The following BMP1 variants were observed in gnomAD, a reference collection of about 807,000 sequenced individuals.
The protein encoded by BMP1 is mammalian tolloid protein.
BMP1 carries 63 observed loss-of-function variants against 116.8 expected under a neutral mutation model. The observed-to-expected ratio is 0.54, with a 90% CI of 0.44 to 0.67. The LOEUF (loss-of-function observed/expected upper bound fraction) is 0.67. Ranked by LOEUF, BMP1 falls within the 30% of genes least tolerant of loss-of-function variation. The pLI, the probability that BMP1 is intolerant of heterozygous loss-of-function variation, is 0.00. For missense variants in BMP1, 1,183 were observed against 1,358.9 expected, an observed-to-expected ratio of 0.87 and a Z score of 2.04; for synonymous variants, 536 against 533.4, an observed-to-expected ratio of 1.00 and a Z score of -0.07.
chr8:22,187,807 A>G (rs1828819489), intron 8 of BMP1, among the ~76,000 whole-genome samples: 1 of 152,176 alleles, frequency 6.6e-6, no homozygotes, highest in Non-Finnish European at 1.5e-5. Flanking sequence ...TTGAGTGCTT[A>G]CTGTGTGTTG....
chr8:22,172,592 A>G (rs896536662), intron 1 of BMP1, among the ~76,000 whole-genome samples: 2 of 149,168 alleles, frequency 1.3e-5, no homozygotes, highest in Non-Finnish European at 3.0e-5. Flanking sequence ...GAAAAATGGT[A>G]CAATTTTATT....
rs1828291918 is a variant in BMP1 at position 22,172,026 on chromosome 8, C to G, written c.149-1576C>G. 2.0e-5 allele frequency among the ~76,000 whole-genome samples: 3 copies of G among 152,204 alleles called. No homozygotes were observed. The South Asian group carries it at 6.2e-4, about 31-fold the overall frequency. On this transcript the variant is annotated intron_variant, in intron 1 of 19. Transcript: ENST00000306385. The stretch of plus-strand genomic sequence containing the variant: ...ACGCCACCATATGTCTGTAGGAACA[C>G]TAACCTTGGGTGTCTGATTCTGTAT...
chr8:22,201,733 A>C (rs1829267273), intron 15 of BMP1, 70 bp from the exon 16 acceptor site: 5 of 1,594,494 alleles, frequency 3.1e-6, no homozygotes, highest in Non-Finnish European at 4.3e-6. Context: ...CCAGGCCTCC[A>C]CTTCCCCTGG....
At chr8:22,201,581 C>T in intron 15 of BMP1, 2 of 1,393,806 alleles carry the variant, frequency 1.4e-6, no homozygotes. Context: ...ATCCTCCTCT[C>T]CCCACAGCTG....
chr8:22,194,519 A>C lies in BMP1; in HGVS notation c.1372A>C (p.Ser458Arg), dbSNP rs767262723. 6.2e-7 allele frequency: 1 copy of C among 1,614,200 alleles called. No individual in the cohort carries two copies. Among genetic ancestry groups the C allele is most frequent in the East Asian group, 2.2e-5 (1 of 44,878 alleles). ...CAACTACCCAGACGATTACCGGCCC[A>C]GCAAAGTCTGCATCTGGCGGATCCA... The part of the protein sequence containing the change: ...SPNYPDDYRP[S>R]KVCIWRIQVS... The change falls in exon 11 of 20, where the codon AGC (serine) becomes CGC (arginine). Residue 458 changes from serine to arginine, a missense_variant. Ser to Arg is a moderately radical substitution (Grantham distance 110). This residue lies in a region of BMP1 where 956 missense variants were observed against 1,135.2 expected (regional missense o/e 0.84). Coordinates refer to ENST00000306385, the MANE Select transcript of BMP1 (RefSeq NM_006129.5). This position sits in a 1 kb window ranked among gnomAD's most constrained non-coding sequence, Gnocchi z 4.5.
chr8:22,176,797 T>C (rs1030886223), intron 4 of BMP1, 147 bp downstream of exon 4: 5 of 1,009,630 alleles, frequency 5.0e-6, no homozygotes, highest in Non-Finnish European at 7.4e-6. Context: ...AACTGCCCCC[T>C]GTGCGGCTGT....
intron 8 of BMP1, 137 bp from the exon 9 acceptor site, chr8:22,191,912 G>T (rs1586457640): frequency 1.5e-6 from 1 of 660,390 alleles, no homozygotes; most frequent in Non-Finnish European, 2.6e-6. Context: ...TGTGCCAGGA[G>T]CTCCTTTTGG....
chr8:22,174,551 A>G (rs574100928), intron 2 of BMP1, among the ~76,000 whole-genome samples: 1 of 151,164 alleles, frequency 6.6e-6, no homozygotes, highest in Non-Finnish European at 1.5e-5. Context: ...TGTTTGAGAC[A>G]TGGTCCTGAG....
intron 1 of BMP1, among the ~76,000 whole-genome samples, chr8:22,167,636 G>C (rs552999856): frequency 6.6e-6 from 1 of 152,324 alleles, no homozygotes; most frequent in South Asian, 2.1e-4. Context: ...GGCTGAGTTG[G>C]AGCTTCAAGT....
chr8:22,196,565 C>A (rs1304153126), intron 13 of BMP1, 115 bp from the exon 14 acceptor site: 4 of 1,499,766 alleles, frequency 2.7e-6, no homozygotes, highest in Admixed American at 1.7e-5. Context: ...GGTCCCTGAG[C>A]CTTGGGGAGT....
intron 18 of BMP1, 113 bp from the exon 19 acceptor site, chr8:22,209,332 G>A (rs550709455): frequency 2.5e-5 from 38 of 1,504,154 alleles, no homozygotes; most frequent in Admixed American, 4.4e-5. Flanking sequence ...CACTGGCCTC[G>A]TGGCCTTCAC....
chr8:22,180,355 C>T lies in BMP1; in HGVS notation c.962-13C>T, dbSNP rs1175897716. 6.2e-7 allele frequency: 1 copy of T among 1,605,722 alleles called. No homozygotes were observed. On this transcript the variant is annotated splice_polypyrimidine_tract_variant and intron_variant, in intron 7 of 19. Transcript: ENST00000306385. ...CGCCTGCAGCCCTGCCCTGTCATTT[C>T]CTTTCCTCACAGCCTGTGGAGAGAC...
rs1249438495 is a variant in BMP1, at chr8:22,207,162, T to C, written c.2362-141T>C. On this transcript the variant is annotated intron_variant, in intron 17 of 19. Transcript: ENST00000306385. Reference sequence around the variant, plus strand: ...TAGGGGCGTCCCTGCCTTCGCCCTATTCCTGGGCCCTCCTTCACTGTCATC... The same window carrying C: ...TAGGGGCGTCCCTGCCTTCGCCCTACTCCTGGGCCCTCCTTCACTGTCATC... 1.8e-4 allele frequency: 249 copies of C among 1,375,224 alleles called. 2 individuals are homozygous for C. The South Asian group carries it at 2.4e-3, about 13-fold the overall frequency. The allele number at this position is 1,375,224 out of a possible 1,614,324, so 85.2% of individuals were successfully genotyped here.
At chr8:22,201,972 T>C (rs1292750893) in intron 16 of BMP1, 44 bp downstream of exon 16, 1 of 1,577,982 alleles carries the variant, frequency 6.3e-7, no homozygotes, top group African/African-American at 1.3e-5. Flanking sequence ...AAGGACCTGC[T>C]GCTGGGAGTG....
chr8:22,176,673 T>G, intron 4 of BMP1, 23 bp downstream of exon 4: 2 of 1,611,328 alleles, frequency 1.2e-6, no homozygotes, highest in Non-Finnish European at 1.7e-6. Flanking sequence ...CCCTAGGCGC[T>G]GTACCTTCCG....
At chr8:22,196,042 G>T (rs1023108887) in intron 13 of BMP1, 7 of 365,852 alleles carry the variant, frequency 1.9e-5, no homozygotes, top group Non-Finnish European at 3.2e-5. Flanking sequence ...ATGTCACATT[G>T]CAACCCCGAG....
At chr8:22,177,579 C>A (rs371752492) in intron 5 of BMP1, 1 of 746,326 alleles carries the variant, frequency 1.3e-6, no homozygotes, top group Non-Finnish European at 2.5e-6. Context: ...GTTCTCCACT[C>A]TTCACTGCTC....
Position 22,194,949 on chromosome 8 carries a change from A to G in BMP1, c.1639+30A>G, listed in dbSNP as rs750043367. The G allele has an allele frequency of 3.2e-6, 5 of 1,573,902 alleles. No homozygotes were observed. The highest frequency in any genetic ancestry group is 1.2e-5 in the South Asian group (1 of 83,944). ...CTCCTCTGTTACTCTCCCCTGCCCC[A>G]AGGTGCCTCGTGACCTTCATCCCTT... On this transcript the variant is annotated intron_variant, in intron 12 of 19. Transcript: ENST00000306385. This position sits in a 1 kb window ranked among gnomAD's most constrained non-coding sequence, Gnocchi z 4.5.
chr8:22,192,631 C>T (rs929184222), intron 9 of BMP1, among the ~76,000 whole-genome samples: 1 of 152,240 alleles, frequency 6.6e-6, no homozygotes, highest in African/African-American at 2.4e-5. Flanking sequence ...CTGCCGAGGG[C>T]TGCACACTGG....
Sources: gnomAD v4.1 joint callset for allele counts (sites outside exome capture counted in the v4.1 genomes callset) on GRCh38, gnomAD v4.1.1 for gene constraint, gnomAD v4.1.1 regional missense constraint, Gnocchi (gnomAD v3.1) non-coding constraint, MANE v1.5 for transcripts, NCBI Gene and HGNC (gene_info 2026-07-23, HGNC 2026-07-21) for gene names.